Variants in CSN2 observed in about 807,000 individuals in gnomAD.
CSN2 encodes casein beta, also known as beta-casein.
Under a neutral mutation model 27.3 loss-of-function variants are expected in CSN2, and 27 were observed. The ratio of observed to expected loss-of-function variants is 0.99; its 90% CI spans 0.73 to 1.36. CSN2 has a LOEUF of 1.36. CSN2 is among the 40% of genes most tolerant of loss of function. The pLI is 0.00. For synonymous variants in CSN2, 131 were observed against 94.8 expected (o/e 1.38, Z -2.22); for missense variants, 333 against 264.5 (o/e 1.26, Z -1.80).
chr4:69,960,369 C>A (rs1205264915), intron 2 of CSN2, among the ~76,000 whole-genome samples: 2 of 151,376 alleles, frequency 1.3e-5, no homozygotes, highest in African/African-American at 2.4e-5. Context: ...ACTTTAATGT[C>A]TTTTATATTT....
chr4:69,963,844 C>T (rs1057251279), intron 1 of CSN2, among the ~76,000 whole-genome samples: 12 of 152,064 alleles, frequency 7.9e-5, no homozygotes, highest in African/African-American at 1.7e-4. Flanking sequence ...GGACCAGGAC[C>T]GCAGCAATGA....
rs1386959968 is a variant in CSN2, at chr4:69,958,920, G to C, written c.133C>G (p.Gln45Glu). ...KVEKVKHEDQ[Q>E]QGEDEHQDKI... is the part of the protein sequence containing the mutation. ...CATTAACAAATTACCTCTCCTTGCT[G>C]CTGGTCCTCATGTTTAACCTTCTCA... is the stretch of plus-strand genomic sequence containing the variant. Residue 45 changes from glutamine to glutamate, a missense_variant, in exon 5 of 8, where the codon CAG (glutamine) becomes GAG (glutamate). Physicochemically the swap from Gln to Glu is conservative, Grantham distance 29. Transcript: ENST00000353151. 1 of 1,591,722 alleles carries C rather than the reference G, an allele frequency of 6.3e-7. No individual in the cohort carries two copies. Among genetic ancestry groups the C allele is most frequent in the Admixed American group, 1.7e-5 (1 of 59,382 alleles).
At chr4:69,963,806 G>C (rs532633282) in intron 1 of CSN2, among the ~76,000 whole-genome samples, 116 of 152,028 alleles carry the variant, frequency 7.6e-4, no homozygotes, top group Non-Finnish European at 1.5e-3. Flanking sequence ...TATTTCTTTA[G>C]AATCTGTTCT....
intron 1 of CSN2, among the ~76,000 whole-genome samples, chr4:69,964,756 C>T (rs994263147): frequency 6.7e-6 from 1 of 149,428 alleles, no homozygotes; most frequent in Admixed American, 6.7e-5. Context: ...TATTACTAAT[C>T]TACTAATATA....
At chr4:69,958,316 C>T (rs1392278573) in intron 5 of CSN2, among the ~76,000 whole-genome samples, 1 of 152,122 alleles carries the variant, frequency 6.6e-6, no homozygotes, top group East Asian at 1.9e-4. Context: ...CGGCCAAATT[C>T]TTACATTCCT....
chr4:69,965,449 T>C (rs1462341863), intron 1 of CSN2, among the ~76,000 whole-genome samples: 1 of 141,758 alleles, frequency 7.1e-6, no homozygotes, highest in Non-Finnish European at 1.5e-5. Context: ...TATATATGCA[T>C]AAAATTAGCT....
At position 69,955,425 on chromosome 4, in the gene CSN2, T is replaced by C. The variant is rs1232890838; in HGVS notation, c.*204A>G. ...ACTAGTTGAATTAAGATTTGGAAAA[T>C]GTAAATAGTTCATGAGTCAAATTTC... On this transcript the variant is annotated 3_prime_UTR_variant, in exon 8 of 8. Coordinates refer to ENST00000353151, the MANE Select transcript of CSN2 (RefSeq NM_001891.4). The C allele has an allele frequency of 1.3e-5, 2 of 152,470 alleles. No homozygotes were observed. Among genetic ancestry groups the C allele is most frequent in the East Asian group, 1.9e-4 (1 of 5,194 alleles). 9.4% of individuals were successfully genotyped at this position (152,470 alleles called of 1,614,324 possible). A position where few individuals can be genotyped will look rare whatever the true frequency, so the allele number is the denominator to read the frequency against.
intron 5 of CSN2, among the ~76,000 whole-genome samples, chr4:69,958,097 C>T (rs1355842970): frequency 2.0e-5 from 3 of 152,134 alleles, no homozygotes; most frequent in African/African-American, 7.2e-5. Context: ...GCCTGGATAG[C>T]TGTAGCTGTA....
chr4:69,958,856 A>G, intron 5 of CSN2, 53 bp downstream of exon 5: 4 of 1,095,616 alleles, frequency 3.7e-6, no homozygotes, highest in Non-Finnish European at 5.3e-6. Context: ...ATATTTTTGT[A>G]TGTATTATAC....
intron 7 of CSN2, 28 bp downstream of exon 7, chr4:69,956,286 A>G (rs1213066775): frequency 7.4e-7 from 1 of 1,343,614 alleles, no homozygotes; most frequent in Non-Finnish European, 9.8e-7. Flanking sequence ...AAAATGATCA[A>G]TTAAATCTCC....
rs1402534579 is a variant in CSN2 at position 69,963,300 on chromosome 4, G to A, written c.-12-2293C>T. Among the ~76,000 whole-genome samples the A allele has an allele frequency of 1.7e-3, 257 of 152,062 alleles. 2 individuals are homozygous for A. The highest frequency in any genetic ancestry group is 0.014 in the Middle Eastern group (4 of 292). ...ACACATACACATGTATGTTTATTGC[G>A]GCACTATTCACAATAGCAAAGACTT... On this transcript the variant is annotated intron_variant, in intron 1 of 7. Transcript: ENST00000353151.
Position 69,956,318 on chromosome 4 carries a change from A to G in CSN2, c.*32T>C. The G allele has an allele frequency of 7.1e-7, 1 of 1,400,428 alleles. No individual in the cohort carries two copies. 86.8% of individuals were successfully genotyped at this position (1,400,428 alleles called of 1,614,324 possible). A position where few individuals can be genotyped will look rare whatever the true frequency, so the allele number is the denominator to read the frequency against. ...CTCCAAACTCCCAAAACTTACCAAA[A>G]ATAAGGAGGGAAAATTAACTTTGAA... On this transcript the variant is annotated 3_prime_UTR_variant, in exon 7 of 8. Coordinates refer to ENST00000353151, the MANE Select transcript of CSN2 (RefSeq NM_001891.4).
At position 69,960,044 on chromosome 4, in the gene CSN2, T is replaced by A; in HGVS notation, c.78+9A>T. On this transcript the variant is annotated intron_variant, in intron 3 of 7. Transcript: ENST00000353151. The stretch of plus-strand genomic sequence containing the variant: ...TACTGTTCTAAAATTGGGTAGAATG[T>A]TAACTTACCTCACTGCTTGAAAGGC... 1 of 1,611,368 alleles carries A rather than the reference T, an allele frequency of 6.2e-7. No individual in the cohort carries two copies. The highest frequency in any genetic ancestry group is 8.5e-7 in the Non-Finnish European group (1 of 1,178,366).
intron 1 of CSN2, among the ~76,000 whole-genome samples, chr4:69,961,935 A>C (rs1282905503): frequency 7.2e-5 from 11 of 152,178 alleles, no homozygotes; most frequent in Non-Finnish European, 4.4e-5. Flanking sequence ...CATATACACC[A>C]ATAACAGACA....
At chr4:69,960,625 T>G (rs1444222307) in intron 2 of CSN2, among the ~76,000 whole-genome samples, 2 of 152,032 alleles carry the variant, frequency 1.3e-5, no homozygotes, top group African/African-American at 4.8e-5. Context: ...TAAGATATAT[T>G]TATCTAGCTT....
intron 6 of CSN2, among the ~76,000 whole-genome samples, chr4:69,957,011 G>T (rs775006993): frequency 1.8e-4 from 28 of 152,034 alleles, no homozygotes; most frequent in Non-Finnish European, 1.9e-4. Flanking sequence ...CGTGGGGTGG[G>T]GGTAGGGGGT....
intron 1 of CSN2, among the ~76,000 whole-genome samples, chr4:69,963,879 A>T (rs552792344): frequency 4.7e-4 from 71 of 152,228 alleles, no homozygotes; most frequent in Non-Finnish European, 9.4e-4. Context: ...TCCTGATATT[A>T]CTCCCTCATG....
rs1021615983 is a variant in CSN2 at position 69,957,220 on chromosome 4, A to G, written c.675+54T>C. 3.5e-6 allele frequency: 5 copies of G among 1,428,910 alleles called. No homozygotes were observed. In the African/African-American group the frequency reaches 7.1e-5, roughly 20 times the overall value. The allele number at this position is 1,428,910 out of a possible 1,614,324, so 88.5% of individuals were successfully genotyped here. A position where few individuals can be genotyped will look rare whatever the true frequency, so the allele number is the denominator to read the frequency against. The stretch of plus-strand genomic sequence containing the variant: ...TACTCTACATTTATTCTTTTATTCT[A>G]CCATCACATACACATCTTGAATGAA... On this transcript the variant is annotated intron_variant, in intron 6 of 7. Transcript: ENST00000353151.
intron 3 of CSN2, among the ~76,000 whole-genome samples, chr4:69,959,686 G>A (rs1723509625): frequency 6.6e-6 from 1 of 151,896 alleles, no homozygotes; most frequent in Admixed American, 6.6e-5. Context: ...AACTATCACT[G>A]GCATCTCTAA....
Sources: gnomAD v4.1 joint callset for allele counts (sites outside exome capture counted in the v4.1 genomes callset) on GRCh38, gnomAD v4.1.1 for gene constraint, MANE v1.5 for transcripts, NCBI Gene and HGNC (gene_info 2026-07-23, HGNC 2026-07-21) for gene names.